ZFYVE28: variants seen among roughly 807,000 people sequenced by gnomAD.
ZFYVE28 encodes the protein zinc finger FYVE-type containing 28, also known as lateral signaling target protein 2 homolog.
Under a neutral mutation model 82.1 loss-of-function variants are expected in ZFYVE28, and 40 were observed. That is an observed-to-expected ratio of 0.49 (90% CI 0.38 to 0.63). The LOEUF is 0.63. ZFYVE28 is among the 30% of genes least tolerant of loss of function. The pLI is 0.00. For missense variants in ZFYVE28, 1,321 were observed against 1,242.1 expected (o/e 1.06, Z -0.96); for synonymous variants, 612 against 546.1 (o/e 1.12, Z -1.68).
Position 2,372,153 on chromosome 4 carries a change from T to C in ZFYVE28, c.40-18080A>G, listed in dbSNP as rs995470887. On this transcript the variant is annotated intron_variant, in intron 1 of 12. Coordinates refer to ENST00000290974, the MANE Select transcript of ZFYVE28 (RefSeq NM_020972.3). This position sits in a 1 kb window ranked among gnomAD's most constrained non-coding sequence, Gnocchi z 5.2. ...ACTGGGGAGCGGGGAGGAGGGCAAA[T>C]GTTTTGTTTGCTGTTACCTATTCCC... Among the ~76,000 whole-genome samples, 1 of 152,012 alleles carries C rather than the reference T, an allele frequency of 6.6e-6. No individual in the cohort carries two copies. The highest frequency in any genetic ancestry group is 1.5e-5 in the Non-Finnish European group (1 of 67,982).
chr4:2,269,626 G>A lies in ZFYVE28; in HGVS notation c.*1099C>T, dbSNP rs1449543525. The A allele has an allele frequency of 1.3e-5, 2 of 152,092 alleles. No individual in the cohort carries two copies. The highest frequency in any genetic ancestry group is 2.9e-5 in the Non-Finnish European group (2 of 68,006). The allele number at this position is 152,092 out of a possible 1,614,324, so 9.4% of individuals were successfully genotyped here. A position where few individuals can be genotyped will look rare whatever the true frequency, so the allele number is the denominator to read the frequency against. ...ATCCTTAAATAGATTTATGGAAATGGCTTCAAATTACAGCATTTAGAAAAT... is the reference window on the plus strand; with the variant it reads ...ATCCTTAAATAGATTTATGGAAATGACTTCAAATTACAGCATTTAGAAAAT... On this transcript the variant is annotated 3_prime_UTR_variant, in exon 13 of 13. Transcript: ENST00000290974.
In ZFYVE28 at chr4:2,304,597, C is replaced by G; in HGVS notation, c.1743G>C (p.Leu581=). 3 of 1,612,420 alleles carry G rather than the reference C, an allele frequency of 1.9e-6. No individual in the cohort carries two copies. Among genetic ancestry groups the G allele is most frequent in the South Asian group, 1.1e-5 (1 of 91,060 alleles). ...CGCCTCCCGGGCTGCACTTCTCCCGCAGACGCTCCACCACGTCCTCCCTGC... is the reference window on the plus strand; with the variant it reads ...CGCCTCCCGGGCTGCACTTCTCCCGGAGACGCTCCACCACGTCCTCCCTGC... ...GDSREDVVER[L]REKCSPGGVI... The change falls in exon 8 of 13, where the codon CTG becomes CTC. Residue 581 remains leucine (L), a synonymous_variant. Transcript: ENST00000290974.
chr4:2,276,731 T>C (rs1736486499), intron 8 of ZFYVE28, among the ~76,000 whole-genome samples: 1 of 151,500 alleles, frequency 6.6e-6, no homozygotes, highest in Non-Finnish European at 1.5e-5. Context: ...CCTGCTTGAG[T>C]CTCCGACACG....
At chr4:2,382,055 T>A (rs1728778953) in intron 1 of ZFYVE28, among the ~76,000 whole-genome samples, 1 of 152,226 alleles carries the variant, frequency 6.6e-6, no homozygotes, top group Admixed American at 6.5e-5. Flanking sequence ...CCACATGGTG[T>A]TGAGCCTGCG....
In ZFYVE28 at chr4:2,341,399, C is replaced by CAAGGTT. The variant is rs1722777518; in HGVS notation, c.318+78_318+79insAACCTT. 16 of 1,567,838 alleles carry CAAGGTT rather than the reference C, an allele frequency of 1.0e-5. No individual in the cohort carries two copies. The highest frequency in any genetic ancestry group is 1.4e-5 in the Non-Finnish European group (16 of 1,155,674). On this transcript the variant is annotated intron_variant, in intron 3 of 12. Coordinates refer to ENST00000290974, the MANE Select transcript of ZFYVE28 (RefSeq NM_020972.3). The surrounding 1 kb of genome is among the most constrained non-coding windows in gnomAD (Gnocchi z 4.5). ...CACCAGGTCCCGGCACCTGCAGGCG[C>CAAGGTT]CCATGCACAAGGTTCGCAGGGACTT...
At chr4:2,397,582 G>A (rs898441451) in intron 1 of ZFYVE28, among the ~76,000 whole-genome samples, 1 of 150,144 alleles carries the variant, frequency 6.7e-6, no homozygotes, top group East Asian at 1.9e-4. Flanking sequence ...AAACACTCAC[G>A]CCCGCTCCCC....
chr4:2,311,263 C>T lies in ZFYVE28; in HGVS notation c.804-5727G>A, dbSNP rs752991996. ...TTTTGGGGCCTGGCATGATGGCTCA[C>T]GCTTATAATCCCAGCACTTTGGGAG... On this transcript the variant is annotated intron_variant, in intron 7 of 12. Transcript: ENST00000290974. Among the ~76,000 whole-genome samples, 27 of 152,014 alleles carry T rather than the reference C, an allele frequency of 1.8e-4. 1 individual carries two copies. Among genetic ancestry groups the T allele is most frequent in the Non-Finnish European group, 2.4e-4 (16 of 68,012 alleles).
At chr4:2,404,934 T>C (rs1229738195) in intron 1 of ZFYVE28, among the ~76,000 whole-genome samples, 1 of 147,338 alleles carries the variant, frequency 6.8e-6, no homozygotes, top group East Asian at 2.0e-4. Context: ...GGCACAGTCG[T>C]AGTTCACTGC....
rs895099523 is a variant in ZFYVE28 at position 2,372,157 on chromosome 4, T to C, written c.40-18084A>G. On this transcript the variant is annotated intron_variant, in intron 1 of 12. Coordinates refer to ENST00000290974, the MANE Select transcript of ZFYVE28 (RefSeq NM_020972.3). The surrounding 1 kb of genome is among the most constrained non-coding windows in gnomAD (Gnocchi z 5.2). ...GGGAGCGGGGAGGAGGGCAAATGTT[T>C]TGTTTGCTGTTACCTATTCCCGTGA... Among the ~76,000 whole-genome samples the C allele has an allele frequency of 2.0e-5, 3 of 152,066 alleles. No homozygotes were observed. Among genetic ancestry groups the C allele is most frequent in the African/African-American group, 7.2e-5 (3 of 41,398 alleles).
At chr4:2,303,980 G>A (rs900447786) in intron 8 of ZFYVE28, among the ~76,000 whole-genome samples, 16 of 152,232 alleles carry the variant, frequency 1.1e-4, no homozygotes, top group African/African-American at 2.2e-4. Context: ...CCGGGGCTGC[G>A]GCAGGTGAGC....
At chr4:2,321,078 G>A (rs891692088) in intron 6 of ZFYVE28, among the ~76,000 whole-genome samples, 1 of 152,056 alleles carries the variant, frequency 6.6e-6, no homozygotes, top group African/African-American at 2.4e-5. Flanking sequence ...CCTTCTCTGG[G>A]TGCCTCCTCC....
chr4:2,360,757 GCAAA>G (rs974451089), intron 1 of ZFYVE28, among the ~76,000 whole-genome samples: 4 of 152,158 alleles, frequency 2.6e-5, no homozygotes, highest in Non-Finnish European at 4.4e-5. Context: ...AGAGTATAAA[GCAAA>G]CAATTATAAT....
chr4:2,304,088 C>T (rs1191685806), intron 8 of ZFYVE28, among the ~76,000 whole-genome samples: 2 of 152,244 alleles, frequency 1.3e-5, no homozygotes, highest in African/African-American at 4.8e-5. Flanking sequence ...GTGCATGACG[C>T]CCCACAGGGC....
intron 4 of ZFYVE28, among the ~76,000 whole-genome samples, chr4:2,338,251 G>T (rs1722173919): frequency 6.6e-6 from 1 of 152,348 alleles, no homozygotes; most frequent in Admixed American, 6.5e-5. Context: ...GTGAAGGCTT[G>T]TCCAACCCTT....
At chr4:2,384,785 A>T in intron 1 of ZFYVE28, among the ~76,000 whole-genome samples, 1 of 152,182 alleles carries the variant, frequency 6.6e-6, no homozygotes, top group East Asian at 1.9e-4. Context: ...AAGAAGACAA[A>T]GGCCAGGAGC....
intron 9 of ZFYVE28, 58 bp from the exon 10 acceptor site, chr4:2,273,347 G>A: frequency 6.7e-7 from 1 of 1,497,774 alleles, no homozygotes. Context: ...GAACTGCGGA[G>A]GTCGGTGCTG....
intron 1 of ZFYVE28, among the ~76,000 whole-genome samples, chr4:2,404,291 C>T (rs1372363421): frequency 2.6e-4 from 14 of 53,416 alleles, no homozygotes; most frequent in South Asian, 6.3e-4. Context: ...CACTGCAGGA[C>T]GGAGCGAGAC....
chr4:2,348,056 T>A (rs896928362), intron 2 of ZFYVE28, among the ~76,000 whole-genome samples: 2 of 152,130 alleles, frequency 1.3e-5, no homozygotes, highest in African/African-American at 2.4e-5. Context: ...TCAGTAAAAT[T>A]GATAAAACTC....
intron 7 of ZFYVE28, among the ~76,000 whole-genome samples, chr4:2,308,723 GAAAA>G (rs1717070883): frequency 1.4e-5 from 2 of 143,284 alleles, no homozygotes; most frequent in African/African-American, 5.3e-5. Context: ...AGAAAAGAAA[GAAAA>G]AAGAAAAGAA....
Sources: allele counts gnomAD v4.1 joint callset (sites outside exome capture counted in the v4.1 genomes callset), GRCh38; gene constraint gnomAD v4.1.1; non-coding constraint Gnocchi (gnomAD v3.1); transcripts MANE v1.5; gene names NCBI Gene and HGNC (gene_info 2026-07-23, HGNC 2026-07-21).